Variants in FHOD3 observed in about 807,000 individuals in gnomAD.
FHOD3 encodes FH1/FH2 domain-containing protein 3.
Under a neutral mutation model 173.0 loss-of-function variants are expected in FHOD3, and 90 were observed. The observed-to-expected ratio is 0.52, with a 90% CI of 0.44 to 0.62. FHOD3 has a LOEUF of 0.62. Ranked by LOEUF, FHOD3 falls within the 20% of genes least tolerant of loss-of-function variation. The pLI, the probability that FHOD3 is intolerant of heterozygous loss-of-function variation, is 0.00. For synonymous variants in FHOD3, 828 were observed against 823.0 expected, an observed-to-expected ratio of 1.01 and a Z score of -0.10; for missense variants, 1,945 against 2,034.7, an observed-to-expected ratio of 0.96 and a Z score of 0.85.
rs2036163874 is a variant in FHOD3, at chr18:36,652,930, G to A, written c.1646+1G>A. The A allele has an allele frequency of 6.5e-7, 1 of 1,528,782 alleles. No homozygotes were observed. The highest frequency in any genetic ancestry group is 8.8e-7 in the Non-Finnish European group (1 of 1,141,540). The allele number at this position is 1,528,782 out of a possible 1,614,324, so 94.7% of individuals were successfully genotyped here. A position where few individuals can be genotyped will look rare whatever the true frequency, so the allele number is the denominator to read the frequency against. Reference sequence around the variant, plus strand: ...AAGCAGAGTCCCAGAAGGAAAACAGGTAGATTTGCTCACCTGGAGGCTTGT... The same window carrying A: ...AAGCAGAGTCCCAGAAGGAAAACAGATAGATTTGCTCACCTGGAGGCTTGT... On this transcript the variant is annotated splice_donor_variant, in intron 12 of 28. Transcript: ENST00000590592. LOFTEE classifies it high-confidence loss of function.
At chr18:36,721,637 ACT>A (rs1049948339) in intron 19 of FHOD3, among the ~76,000 whole-genome samples, 1 of 152,058 alleles carries the variant, frequency 6.6e-6, no homozygotes, top group African/African-American at 2.4e-5. Context: ...ACAGAGCAAG[ACT>A]CTGTCTCAAA....
chr18:36,489,860 G>C (rs763427255), intron 3 of FHOD3, among the ~76,000 whole-genome samples: 3 of 152,198 alleles, frequency 2.0e-5, no homozygotes, highest in Non-Finnish European at 2.9e-5. Flanking sequence ...GAAAGAAAGA[G>C]AGGGAGAAGG....
intron 5 of FHOD3, among the ~76,000 whole-genome samples, chr18:36,513,431 G>T (rs17565918): frequency 0.38 from 58,412 of 152,100 alleles, 12,389 homozygotes; most frequent in Non-Finnish European, 0.48. Context: ...GGCGGGTCAG[G>T]GTTCTGCCAT....
At chr18:36,586,588 A>C (rs2059040249) in intron 6 of FHOD3, among the ~76,000 whole-genome samples, 1 of 151,684 alleles carries the variant, frequency 6.6e-6, no homozygotes, top group South Asian at 2.1e-4. Context: ...TCCTGGCTTC[A>C]AGTGATTCTC....
Position 36,443,717 on chromosome 18 carries a change from A to G in FHOD3, c.338-58215A>G, listed in dbSNP as rs78527868. Among the ~76,000 whole-genome samples, 1,336 of 152,248 alleles carry G rather than the reference A, an allele frequency of 8.8e-3. 16 individuals carry two copies. Among genetic ancestry groups the G allele is most frequent in the African/African-American group, 0.031 (1,269 of 41,532 alleles). ...GGTTTTATACCTCCTGAGATCACGG[A>G]GCTAGGAAATACAGCTATATACAAA... On this transcript the variant is annotated intron_variant, in intron 3 of 28. Transcript: ENST00000590592.
intron 9 of FHOD3, among the ~76,000 whole-genome samples, chr18:36,623,678 G>T (rs2033880746): frequency 6.6e-6 from 1 of 152,184 alleles, no homozygotes; most frequent in African/African-American, 2.4e-5. Flanking sequence ...GAATTCTAGG[G>T]GAGTAAAACA....
chr18:36,594,739 C>T (rs2148357515), intron 6 of FHOD3, 48 bp from the exon 7 acceptor site: 2 of 1,389,492 alleles, frequency 1.4e-6, no homozygotes, highest in Non-Finnish European at 2.0e-6. Flanking sequence ...CTCTCTGGTG[C>T]ACAGGGCCTT....
rs1367744859 is a variant in FHOD3, at chr18:36,567,973, A to G, written c.512-8478A>G. 2.0e-5 allele frequency among the ~76,000 whole-genome samples: 3 copies of G among 151,804 alleles called. No homozygotes were observed. In the East Asian group the frequency reaches 5.8e-4, roughly 29 times the overall value. On this transcript the variant is annotated intron_variant, in intron 5 of 28. Coordinates refer to ENST00000590592, the MANE Select transcript of FHOD3 (RefSeq NM_001281740.3). ...AGTTGTGGCTAGCTATAGTCATGGA[A>G]ATTAAGTGGCTGAACAAGTTAAGTA...
intron 3 of FHOD3, among the ~76,000 whole-genome samples, chr18:36,482,589 C>T (rs1290818916): frequency 1.3e-5 from 2 of 152,142 alleles, no homozygotes; most frequent in Admixed American, 6.5e-5. Flanking sequence ...CGACAGGGTT[C>T]TACCCTGAGC....
intron 1 of FHOD3, among the ~76,000 whole-genome samples, chr18:36,312,558 G>A (rs1263213178): frequency 6.6e-6 from 1 of 152,106 alleles, no homozygotes; most frequent in Non-Finnish European, 1.5e-5. Context: ...CCAGCCAGTT[G>A]CCCAAACCAA....
intron 5 of FHOD3, among the ~76,000 whole-genome samples, chr18:36,574,362 G>C (rs991160404): frequency 2.0e-5 from 3 of 152,096 alleles, no homozygotes; most frequent in African/African-American, 7.2e-5. Context: ...TATAGTGAGA[G>C]TGAAAAATTT....
At chr18:36,643,886 T>A (rs2035502290) in intron 10 of FHOD3, among the ~76,000 whole-genome samples, 2 of 152,224 alleles carry the variant, frequency 1.3e-5, no homozygotes, top group Admixed American at 1.3e-4. Context: ...ATTGCTTTGG[T>A]CTTAGAACAT....
At chr18:36,439,438 T>G (rs558946620) in intron 3 of FHOD3, among the ~76,000 whole-genome samples, 1 of 152,174 alleles carries the variant, frequency 6.6e-6, no homozygotes, top group African/African-American at 2.4e-5. Context: ...TCCCACACTC[T>G]AGGACTAAAT....
chr18:36,728,032 G>A (rs897782889), intron 19 of FHOD3, among the ~76,000 whole-genome samples: 20 of 152,206 alleles, frequency 1.3e-4, no homozygotes, highest in African/African-American at 4.6e-4. Flanking sequence ...TTCTAGGCAG[G>A]AAGAAGGGGG....
At chr18:36,392,674 T>G (rs1376601519) in intron 3 of FHOD3, among the ~76,000 whole-genome samples, 2 of 152,228 alleles carry the variant, frequency 1.3e-5, no homozygotes, top group African/African-American at 4.8e-5. Context: ...GCAGGGTATA[T>G]CTCCTGCTTC....
chr18:36,625,399 C>A, intron 9 of FHOD3, 112 bp from the exon 10 acceptor site: 1 of 1,002,212 alleles, frequency 1.0e-6, no homozygotes, highest in Non-Finnish European at 1.4e-6. Context: ...GTGCAGTTTG[C>A]GAAGACAGAG....
At chr18:36,566,591 A>C (rs2058272775) in intron 5 of FHOD3, among the ~76,000 whole-genome samples, 1 of 152,168 alleles carries the variant, frequency 6.6e-6, no homozygotes, top group South Asian at 2.1e-4. Context: ...GCTTCAGCTG[A>C]AGTATTTCAT....
At chr18:36,620,974 C>A (rs926957179) in intron 9 of FHOD3, among the ~76,000 whole-genome samples, 2 of 152,134 alleles carry the variant, frequency 1.3e-5, no homozygotes, top group Admixed American at 6.5e-5. Flanking sequence ...AGAATTCTTC[C>A]TAATAGAGAA....
At chr18:36,437,887 CTCCTG>C (rs1173752428) in intron 3 of FHOD3, among the ~76,000 whole-genome samples, 1 of 152,086 alleles carries the variant, frequency 6.6e-6, no homozygotes, top group East Asian at 1.9e-4. Flanking sequence ...TGGTCTTGAT[CTCCTG>C]ACCTCGTGAT....
Sources: allele counts gnomAD v4.1 joint callset (sites outside exome capture counted in the v4.1 genomes callset), GRCh38; gene constraint gnomAD v4.1.1; transcripts MANE v1.5; gene names NCBI Gene and HGNC (gene_info 2026-07-23, HGNC 2026-07-21).